CRISPLD2: variants seen among roughly 807,000 people sequenced by gnomAD.
CRISPLD2 encodes cysteine rich secretory protein LCCL domain containing 2, also known as cysteine-rich secretory protein LCCL domain-containing 2.
In CRISPLD2, 47 loss-of-function variants were observed where a neutral mutation model predicts 71.1. That is an observed-to-expected ratio of 0.66 (90% CI 0.52 to 0.84). The LOEUF (loss-of-function observed/expected upper bound fraction) is 0.84, where lower values mean the gene tolerates loss of function less well. CRISPLD2 is among the 40% of genes least tolerant of loss of function. The probability of loss-of-function intolerance (pLI) is 0.00; values close to 1 mark genes in which losing one functional copy is unlikely to be tolerated. For missense variants in CRISPLD2, 830 were observed against 651.1 expected (o/e 1.27, Z -2.99); for synonymous variants, 317 against 250.1 (o/e 1.27, Z -2.52).
chr16:84,857,895 G>C (rs918413735), intron 6 of CRISPLD2, among the ~76,000 whole-genome samples: 5 of 152,148 alleles, frequency 3.3e-5, no homozygotes, highest in Non-Finnish European at 4.4e-5. Context: ...ACTTCCATTT[G>C]ATGATGGAAT....
intron 2 of CRISPLD2, among the ~76,000 whole-genome samples, chr16:84,845,282 C>T (rs958944704): frequency 1.3e-5 from 2 of 152,196 alleles, no homozygotes; most frequent in Non-Finnish European, 2.9e-5. Flanking sequence ...GGGTAAAGCC[C>T]GAGGCCTGGT....
chr16:84,884,658 T>C (rs1212121054), intron 13 of CRISPLD2, among the ~76,000 whole-genome samples: 1 of 152,186 alleles, frequency 6.6e-6, no homozygotes, highest in African/African-American at 2.4e-5. Flanking sequence ...GAAAGGTGTT[T>C]GCGTGGGAGA....
At chr16:84,872,886 C>A (rs760826398) in intron 9 of CRISPLD2, 106 bp from the exon 10 acceptor site, 60 of 1,403,440 alleles carry the variant, frequency 4.3e-5, no homozygotes, top group Non-Finnish European at 5.1e-5. Context: ...TTTGGCCTGT[C>A]CTTCAGGCTT....
intron 5 of CRISPLD2, 118 bp downstream of exon 5, chr16:84,850,801 A>G (rs905351477): frequency 9.3e-6 from 7 of 754,178 alleles, no homozygotes; most frequent in African/African-American, 6.9e-5. Flanking sequence ...ATAACAAAGA[A>G]TCTAGAGTTT....
At chr16:84,892,221 C>T (rs1313785776) in intron 14 of CRISPLD2, among the ~76,000 whole-genome samples, 1 of 152,198 alleles carries the variant, frequency 6.6e-6, no homozygotes, top group Non-Finnish European at 1.5e-5. Context: ...AAAAGCACAT[C>T]CTCCGGCCCC....
Position 84,909,010 on chromosome 16 carries a change from A to T in CRISPLD2, c.*2368A>T, listed in dbSNP as rs1487676108. On this transcript the variant is annotated 3_prime_UTR_variant, in exon 15 of 15. Transcript: ENST00000262424. ...GGCCATGGACCTGGCTGTCTTTATC[A>T]TCCCCACAAACATTTTGAAACTGGA... is the stretch of plus-strand genomic sequence containing the variant. The T allele has an allele frequency of 6.6e-6, 1 of 152,066 alleles. No individual in the cohort carries two copies. Among genetic ancestry groups the T allele is most frequent in the Non-Finnish European group, 1.5e-5 (1 of 68,016 alleles). The allele number at this position is 152,066 out of a possible 1,614,324, so 9.4% of individuals were successfully genotyped here. A position where few individuals can be genotyped will look rare whatever the true frequency, so the allele number is the denominator to read the frequency against.
intron 3 of CRISPLD2, among the ~76,000 whole-genome samples, chr16:84,847,066 C>T (rs761520040): frequency 6.6e-6 from 1 of 152,266 alleles, no homozygotes; most frequent in Non-Finnish European, 1.5e-5. Flanking sequence ...CCAGAATTCA[C>T]GTCCTCAGAC....
At position 84,849,175 on chromosome 16, in the gene CRISPLD2, C is replaced by G. The variant is rs141004510; in HGVS notation, c.360-210C>G. On this transcript the variant is annotated intron_variant, in intron 3 of 14. Transcript: ENST00000262424. ...GTTATTCCCCCACCTCGGCCTCCCT[C>G]CCTCCTCGCTGCCCGTGGCTGCTCC... The G allele has an allele frequency of 3.5e-3, 1,947 of 551,108 alleles. 31 individuals carry two copies. Among genetic ancestry groups the G allele is most frequent in the African/African-American group, 0.034 (1,790 of 53,220 alleles). 34.1% of individuals were successfully genotyped at this position (551,108 alleles called of 1,614,324 possible). A position where few individuals can be genotyped will look rare whatever the true frequency, so the allele number is the denominator to read the frequency against.
intron 1 of CRISPLD2, among the ~76,000 whole-genome samples, chr16:84,826,014 G>A (rs1916343158): frequency 6.6e-6 from 1 of 152,100 alleles, no homozygotes; most frequent in South Asian, 2.1e-4. Flanking sequence ...AGAAATGCAG[G>A]TTTTCAGGCT....
chr16:84,862,660 G>C (rs78510494), intron 6 of CRISPLD2, among the ~76,000 whole-genome samples: 2 of 147,010 alleles, frequency 1.4e-5, no homozygotes, highest in Non-Finnish European at 3.0e-5. Flanking sequence ...GACCATGCTC[G>C]TGTGGCCCAG....
chr16:84,887,536 G>T (rs2071623743), intron 13 of CRISPLD2, among the ~76,000 whole-genome samples: 1 of 152,228 alleles, frequency 6.6e-6, no homozygotes, highest in Non-Finnish European at 1.5e-5. Flanking sequence ...TGAGCCTGTT[G>T]TCCAGACACT....
intron 5 of CRISPLD2, among the ~76,000 whole-genome samples, chr16:84,851,793 A>G (rs1213593284): frequency 6.6e-6 from 1 of 152,216 alleles, no homozygotes; most frequent in East Asian, 1.9e-4. Context: ...AGACACTAGA[A>G]GGTCCTATCA....
At chr16:84,824,518 G>T (rs573176353) in intron 1 of CRISPLD2, among the ~76,000 whole-genome samples, 5 of 152,072 alleles carry the variant, frequency 3.3e-5, no homozygotes, top group Admixed American at 2.0e-4. Flanking sequence ...CTGTTCTTCC[G>T]GTCCTTCTGC....
Position 84,880,593 on chromosome 16 carries a change from G to C in CRISPLD2, c.1305+9G>C. The C allele has an allele frequency of 1.2e-6, 2 of 1,611,466 alleles. No individual in the cohort carries two copies. The highest frequency in any genetic ancestry group is 1.7e-6 in the Non-Finnish European group (2 of 1,177,932). On this transcript the variant is annotated intron_variant, in intron 13 of 14. Coordinates refer to ENST00000262424, the MANE Select transcript of CRISPLD2 (RefSeq NM_031476.4). ...CCAACATCTATGCAGATGTGAGTAG[G>C]ATGCATTTTCAACAACTATCTCGCA...
intron 8 of CRISPLD2, among the ~76,000 whole-genome samples, chr16:84,870,276 C>CT (rs927544764): frequency 1.7e-5 from 1 of 58,606 alleles, no homozygotes; most frequent in East Asian, 1.4e-3. Flanking sequence ...TCCTTCCAGT[C>CT]TTTTTTTCTG....
intron 13 of CRISPLD2, among the ~76,000 whole-genome samples, chr16:84,883,139 G>T (rs558450006): frequency 6.6e-6 from 1 of 152,294 alleles, no homozygotes; most frequent in African/African-American, 2.4e-5. Flanking sequence ...AATAAAGAAT[G>T]AAGGAGGGAA....
At chr16:84,888,570 G>A (rs1004633326) in intron 13 of CRISPLD2, among the ~76,000 whole-genome samples, 5 of 152,154 alleles carry the variant, frequency 3.3e-5, no homozygotes, top group South Asian at 2.1e-4. Flanking sequence ...TAGTCCAGAC[G>A]CCACCCTGTG....
In CRISPLD2 at chr16:84,879,676, T is replaced by A. The variant is rs188701630; in HGVS notation, c.1230-833T>A. Among the ~76,000 whole-genome samples, 499 of 151,898 alleles carry A rather than the reference T, an allele frequency of 3.3e-3. 3 individuals carry two copies. Among genetic ancestry groups the A allele is most frequent in the African/African-American group, 0.011 (476 of 41,452 alleles). On this transcript the variant is annotated intron_variant, in intron 12 of 14. Transcript: ENST00000262424. ...TGCACCTGGCCTTCTTTTTTTTTTTTAAATCCACACACACACCCTTTCTCT... is the reference window on the plus strand; with the variant it reads ...TGCACCTGGCCTTCTTTTTTTTTTTAAAATCCACACACACACCCTTTCTCT...
intron 1 of CRISPLD2, among the ~76,000 whole-genome samples, chr16:84,821,145 C>T (rs957153391): frequency 5.9e-5 from 9 of 152,318 alleles, no homozygotes; most frequent in African/African-American, 1.9e-4. Flanking sequence ...GGCCTTTGGA[C>T]CTCTTGCCCT....
Sources: gnomAD v4.1 joint callset for allele counts (sites outside exome capture counted in the v4.1 genomes callset) on GRCh38, gnomAD v4.1.1 for gene constraint, MANE v1.5 for transcripts, NCBI Gene and HGNC (gene_info 2026-07-23, HGNC 2026-07-21) for gene names.